Variants in RTTN observed in about 807,000 individuals in gnomAD.
RTTN encodes the protein rotatin.
Under a neutral mutation model 269.2 loss-of-function variants are expected in RTTN, and 182 were observed. That is an observed-to-expected ratio of 0.68 (90% CI 0.60 to 0.76). The LOEUF is 0.76. Among genes scored for constraint, RTTN ranks in the 30% least tolerant of loss-of-function variants. RTTN has a pLI of 0.00. For missense variants in RTTN, 2,545 were observed against 2,608.6 expected, an observed-to-expected ratio of 0.98 and a Z score of 0.53; for synonymous variants, 1,006 against 963.5, an observed-to-expected ratio of 1.04 and a Z score of -0.82.
At chr18:70,105,326 T>A (rs1250026747) in intron 28 of RTTN, among the ~76,000 whole-genome samples, 1 of 152,194 alleles carries the variant, frequency 6.6e-6, no homozygotes, top group African/African-American at 2.4e-5. Flanking sequence ...CCTAGTGTAT[T>A]GTTTGCTAAG....
chr18:70,185,882 G>A (rs2061532862), intron 10 of RTTN, among the ~76,000 whole-genome samples: 1 of 151,786 alleles, frequency 6.6e-6, no homozygotes, highest in Admixed American at 6.6e-5. Context: ...CTAACAATGA[G>A]CAATCCAAAA....
chr18:70,006,584 G>T, intron 46 of RTTN, 100 bp from the exon 47 acceptor site: 2 of 868,980 alleles, frequency 2.3e-6, no homozygotes, highest in Non-Finnish European at 3.8e-6. Context: ...CCATTAGAAT[G>T]CATACATAAA....
rs148344182 is a variant in RTTN at position 70,011,314 on chromosome 18, G to A, written c.6422-4830C>T. Among the ~76,000 whole-genome samples, 140 of 152,222 alleles carry A rather than the reference G, an allele frequency of 9.2e-4. 1 individual carries two copies. The highest frequency in any genetic ancestry group is 3.4e-3 in the Middle Eastern group (1 of 294). ...AAGGAAATTTCAGGCCAATATCCCC[G>A]ATGAACATCGATGCAAAAATCCTCA... On this transcript the variant is annotated intron_variant, in intron 46 of 48. Transcript: ENST00000640769.
chr18:70,136,576 T>G (rs777946990), intron 21 of RTTN, among the ~76,000 whole-genome samples: 7 of 151,728 alleles, frequency 4.6e-5, no homozygotes, highest in Non-Finnish European at 7.4e-5. Context: ...ATGAAGAAAT[T>G]TGAATATATA....
intron 19 of RTTN, among the ~76,000 whole-genome samples, chr18:70,140,466 G>C (rs889492341): frequency 6.6e-6 from 1 of 152,078 alleles, no homozygotes; most frequent in Non-Finnish European, 1.5e-5. Flanking sequence ...TGAAAACTAC[G>C]AGAATTTAAG....
chr18:70,153,685 A>G (rs2060599534), intron 14 of RTTN, among the ~76,000 whole-genome samples: 1 of 152,188 alleles, frequency 6.6e-6, no homozygotes, highest in African/African-American at 2.4e-5. Context: ...TTACCAGAAG[A>G]CACTGGAATA....
chr18:70,063,532 C>T lies in RTTN; in HGVS notation c.4747+2297G>A, dbSNP rs1003833776. On this transcript the variant is annotated intron_variant, in intron 35 of 48. Transcript: ENST00000640769. ...AATGAGCTATGACCATGCCACTGCA[C>T]TCCAGCCTGGGTGACAGAGCTAGAC... Among the ~76,000 whole-genome samples, 44 of 152,132 alleles carry T rather than the reference C, an allele frequency of 2.9e-4. 1 individual carries two copies. Among genetic ancestry groups the T allele is most frequent in the Non-Finnish European group, 6.2e-4 (42 of 68,028 alleles).
At chr18:70,096,549 G>A (rs1333269338) in intron 28 of RTTN, among the ~76,000 whole-genome samples, 1 of 152,186 alleles carries the variant, frequency 6.6e-6, no homozygotes, top group Non-Finnish European at 1.5e-5. Context: ...CTAACAGTCA[G>A]GCCCCTCTGC....
intron 8 of RTTN, among the ~76,000 whole-genome samples, chr18:70,192,684 A>AG (rs1280806886): frequency 1.3e-5 from 2 of 151,396 alleles, no homozygotes; most frequent in African/African-American, 4.9e-5. Flanking sequence ...AAAAAAAAAA[A>AG]AAAAAGAAAA....
chr18:70,131,732 C>T (rs1395657590), intron 23 of RTTN: 1 of 151,112 alleles, frequency 6.6e-6, no homozygotes, highest in Admixed American at 6.6e-5. Context: ...AAGTTAACAG[C>T]TGGAAAACAT....
At chr18:70,019,355 C>G (rs1305972436) in intron 45 of RTTN, 2 of 152,184 alleles carry the variant, frequency 1.3e-5, no homozygotes, top group Non-Finnish European at 2.9e-5. Flanking sequence ...GTGGAAAGCA[C>G]TGCCCCCGCT....
intron 3 of RTTN, 128 bp downstream of exon 3, chr18:70,203,958 A>T (rs955835844): frequency 2.8e-6 from 2 of 715,322 alleles, no homozygotes; most frequent in African/African-American, 3.6e-5. Flanking sequence ...AAATCATGTA[A>T]GTTAACACAA....
At chr18:70,054,597 C>T (rs187465569) in intron 37 of RTTN, among the ~76,000 whole-genome samples, 43 of 152,220 alleles carry the variant, frequency 2.8e-4, no homozygotes, top group Admixed American at 1.4e-3. Context: ...CTTTGAGAGG[C>T]CAAGGTGGGC....
intron 10 of RTTN, among the ~76,000 whole-genome samples, chr18:70,180,591 GAAAAA>G (rs34828958): frequency 1.1e-5 from 1 of 95,074 alleles, no homozygotes; most frequent in African/African-American, 4.8e-5. Context: ...CTGGGGAAGA[GAAAAA>G]AAAAAAAAAA....
intron 42 of RTTN, among the ~76,000 whole-genome samples, chr18:70,029,379 T>C (rs2056948337): frequency 6.6e-6 from 1 of 152,172 alleles, no homozygotes; most frequent in African/African-American, 2.4e-5. Flanking sequence ...TGGCAGATCT[T>C]GTTAACCACA....
intron 22 of RTTN, 133 bp from the exon 23 acceptor site, chr18:70,134,674 A>G (rs2060079737): frequency 3.3e-6 from 2 of 597,608 alleles, no homozygotes; most frequent in Admixed American, 3.5e-5. Context: ...CATTTAGTAT[A>G]GAAACAACAT....
At chr18:70,016,087 G>A (rs2056529034) in intron 46 of RTTN, among the ~76,000 whole-genome samples, 1 of 152,168 alleles carries the variant, frequency 6.6e-6, no homozygotes, top group African/African-American at 2.4e-5. Context: ...AAGGCAGAGT[G>A]CAAAATCCAC....
At position 70,003,468 on chromosome 18, in the gene RTTN, G is replaced by C. The variant is rs1400784160; in HGVS notation, c.*683C>G. ...TTACACAGCCTTGCAGAAGACAACG[G>C]TGAAGATTATACATGTAATGATTTA... On this transcript the variant is annotated 3_prime_UTR_variant, in exon 49 of 49. Transcript: ENST00000640769. 1 of 152,138 alleles carries C rather than the reference G, an allele frequency of 6.6e-6. No individual in the cohort carries two copies. Among genetic ancestry groups the C allele is most frequent in the African/African-American group, 2.4e-5 (1 of 41,408 alleles). 9.4% of individuals were successfully genotyped at this position (152,138 alleles called of 1,614,324 possible).
At chr18:70,163,007 A>C (rs1196286166) in intron 14 of RTTN, among the ~76,000 whole-genome samples, 1 of 148,780 alleles carries the variant, frequency 6.7e-6, no homozygotes, top group Non-Finnish European at 1.5e-5. Context: ...TCAAAACTTG[A>C]TAAATTTAAA....
Sources: gnomAD v4.1 joint callset for allele counts (sites outside exome capture counted in the v4.1 genomes callset) on GRCh38, gnomAD v4.1.1 for gene constraint, MANE v1.5 for transcripts, NCBI Gene and HGNC (gene_info 2026-07-23, HGNC 2026-07-21) for gene names.